Variants in BNIP5 observed in about 807,000 individuals in gnomAD.
BNIP5 encodes the protein BCL2 interacting protein 5, also known as protein BNIP5.
Under a neutral mutation model 67.3 loss-of-function variants are expected in BNIP5, and 61 were observed. The ratio of observed to expected loss-of-function variants is 0.91; its 90% CI spans 0.74 to 1.12. BNIP5 has a LOEUF of 1.12. Among genes scored for constraint, BNIP5 ranks in the 50% most tolerant of loss-of-function variants. BNIP5 has a pLI of 0.00. For missense variants in BNIP5, 826 were observed against 816.3 expected, an observed-to-expected ratio of 1.01 and a Z score of -0.14; for synonymous variants, 317 against 319.0, an observed-to-expected ratio of 0.99 and a Z score of 0.07.
chr6:36,318,010 G>T (rs543996507), intron 11 of BNIP5, among the ~76,000 whole-genome samples: 1 of 152,324 alleles, frequency 6.6e-6, no homozygotes, highest in African/African-American at 2.4e-5. Context: ...GCCAAGGAGA[G>T]AGAGAGGTCC....
rs1771664879 is a variant in BNIP5 at position 36,322,721 on chromosome 6, G to A, written c.1472-279C>T. 2.6e-5 allele frequency among the ~76,000 whole-genome samples: 4 copies of A among 152,188 alleles called. 1 individual carries two copies. The South Asian group carries it at 8.3e-4, about 31-fold the overall frequency. ...CCCACCAAATGAACCCTTTCCCTCT[G>A]CCAGGTTTTCTGGGTCACTTAGCCT... is the stretch of plus-strand genomic sequence containing the variant. On this transcript the variant is annotated intron_variant, in intron 8 of 11. Transcript: ENST00000437635.
intron 10 of BNIP5, among the ~76,000 whole-genome samples, chr6:36,320,923 C>A (rs760419113): frequency 6.6e-6 from 1 of 152,150 alleles, no homozygotes; most frequent in East Asian, 1.9e-4. Context: ...GCCACATGAG[C>A]GTTGTGTTAT....
chr6:36,334,666 C>T (rs1406142589), intron 1 of BNIP5, among the ~76,000 whole-genome samples: 1 of 152,202 alleles, frequency 6.6e-6, no homozygotes, highest in Non-Finnish European at 1.5e-5. Flanking sequence ...GGGGTGTCCT[C>T]AGTCTCTAAG....
In BNIP5 at chr6:36,322,220, C is replaced by T. The variant is rs1771651466; in HGVS notation, c.1603+91G>A. 9.2e-6 allele frequency: 14 copies of T among 1,526,882 alleles called. No homozygotes were observed. The South Asian group carries it at 1.5e-4, about 16-fold the overall frequency. The allele number at this position is 1,526,882 out of a possible 1,614,324, so 94.6% of individuals were successfully genotyped here. ...TTGCCTGCTGCCTTCCCCATTCCTTCCTCAGAACCATCCCCTATTCAGCCT... is the reference window on the plus strand; with the variant it reads ...TTGCCTGCTGCCTTCCCCATTCCTTTCTCAGAACCATCCCCTATTCAGCCT... On this transcript the variant is annotated intron_variant, in intron 9 of 11. Transcript: ENST00000437635.
At chr6:36,329,221 G>T (rs111322904) in intron 2 of BNIP5, among the ~76,000 whole-genome samples, 48 of 152,330 alleles carry the variant, frequency 3.2e-4, no homozygotes, top group African/African-American at 1.1e-3. Context: ...AGGCACCAGT[G>T]GGGTGGGAGC....
At chr6:36,332,606 A>C (rs1470198491) in intron 1 of BNIP5, among the ~76,000 whole-genome samples, 1 of 152,194 alleles carries the variant, frequency 6.6e-6, no homozygotes. Flanking sequence ...TGTGTAGTTA[A>C]CATGAAATCA....
At chr6:36,319,321 G>A in intron 11 of BNIP5, 35 bp downstream of exon 11, 1 of 1,606,760 alleles carries the variant, frequency 6.2e-7, no homozygotes, top group Non-Finnish European at 8.5e-7. Flanking sequence ...TGTCACTCAT[G>A]CTACATTGCC....
At position 36,330,650 on chromosome 6, in the gene BNIP5, TTC is replaced by T. The variant is rs777614642; in HGVS notation, c.39_40del (p.Lys14GlufsTer40). 22 of 1,600,950 alleles carry T rather than the reference TTC, an allele frequency of 1.4e-5. No homozygotes were observed. The highest frequency in any genetic ancestry group is 1.8e-5 in the Non-Finnish European group (21 of 1,177,794). On this transcript the variant is annotated frameshift_variant, in exon 2 of 12. Coordinates refer to ENST00000437635, the MANE Select transcript of BNIP5 (RefSeq NM_001010903.5). LOFTEE classifies it high-confidence loss of function. ...CGGCCTGTCCAGAGACCTGGCTTTC[TTC>T]TCCGCCAGGGGCCTCCTTGGGCACC...
At chr6:36,321,487 G>C (rs1356861203) in intron 9 of BNIP5, among the ~76,000 whole-genome samples, 1 of 152,124 alleles carries the variant, frequency 6.6e-6, no homozygotes, top group African/African-American at 2.4e-5. Flanking sequence ...AGCTTCATTT[G>C]ATAGGTGGGA....
chr6:36,327,166 G>T, intron 3 of BNIP5, 72 bp from the exon 4 acceptor site: 1 of 1,366,174 alleles, frequency 7.3e-7, no homozygotes, highest in South Asian at 1.2e-5. Flanking sequence ...TACCATCTTG[G>T]ATAGTTCTCT....
intron 2 of BNIP5, among the ~76,000 whole-genome samples, chr6:36,329,722 G>C (rs1771841067): frequency 2.0e-5 from 3 of 152,088 alleles, no homozygotes; most frequent in South Asian, 4.2e-4. Flanking sequence ...TGAGGCAGGA[G>C]AATCACTTGA....
intron 9 of BNIP5, among the ~76,000 whole-genome samples, chr6:36,321,945 T>C (rs537168466): frequency 6.6e-6 from 1 of 152,376 alleles, no homozygotes; most frequent in African/African-American, 2.4e-5. Context: ...ATTTATGCCA[T>C]GGAAATCTGC....
At chr6:36,322,571 G>A (rs751986754) in intron 8 of BNIP5, 129 bp from the exon 9 acceptor site, 35 of 1,015,234 alleles carry the variant, frequency 3.4e-5, no homozygotes, top group Middle Eastern at 6.2e-4. Flanking sequence ...TCCTGCCCCC[G>A]GCTCTGCCTC....
At position 36,330,178 on chromosome 6, in the gene BNIP5, T is replaced by C; in HGVS notation, c.513A>G (p.Ala171=). 1.2e-6 allele frequency: 2 copies of C among 1,614,066 alleles called. No homozygotes were observed. The highest frequency in any genetic ancestry group is 2.2e-5 in the South Asian group (2 of 91,074). Residue 171 remains alanine (A), a synonymous_variant, in exon 2 of 12, where the codon GCA becomes GCG. Coordinates refer to ENST00000437635, the MANE Select transcript of BNIP5 (RefSeq NM_001010903.5). The part of the protein sequence containing the change: ...HKKHAAEVTK[A]AQDQEARGRE... The stretch of plus-strand genomic sequence containing the variant: ...GGCCTCTGGCCTCCTGGTCTTGAGC[T>C]GCCTTAGTCACCTCGGCCGCGTGTT...
Position 36,322,352 on chromosome 6 carries a change from G to T in BNIP5, c.1562C>A (p.Thr521Lys), listed in dbSNP as rs759881755. 6 of 1,614,060 alleles carry T rather than the reference G, an allele frequency of 3.7e-6. No homozygotes were observed. Among genetic ancestry groups the T allele is most frequent in the Non-Finnish European group, 5.1e-6 (6 of 1,180,026 alleles). ...SEAPSQARGH[T>K]PEGAPQLSGA... is the part of the protein sequence containing the mutation. ...ACTCAGCTGAGGTGCCCCTTCTGGC[G>T]TGTGGCCTCTAGCCTGGGAGGGTGC... Residue 521 changes from threonine (T) to lysine (K), a missense_variant, in exon 9 of 12, where the codon ACG becomes AAG. Transcript: ENST00000437635.
In BNIP5 at chr6:36,334,873, C is replaced by A. The variant is rs557214390; in HGVS notation, c.-5+1839G>T. Among the ~76,000 whole-genome samples, 5 of 152,252 alleles carry A rather than the reference C, an allele frequency of 3.3e-5. No individual in the cohort carries two copies. The East Asian group carries it at 9.6e-4, about 29-fold the overall frequency. On this transcript the variant is annotated intron_variant, in intron 1 of 11. Transcript: ENST00000437635. ...CGTTCAGTCCGACCACCAGGGAATC[C>A]CACCCTGTGCAGACTGTGCTCCAGA...
At chr6:36,322,954 G>A (rs1189202051) in intron 8 of BNIP5, among the ~76,000 whole-genome samples, 2 of 152,234 alleles carry the variant, frequency 1.3e-5, no homozygotes, top group Non-Finnish European at 2.9e-5. Context: ...ATCAAACCCA[G>A]TTCTCTGTGC....
At chr6:36,330,020 C>T in intron 2 of BNIP5, 61 bp downstream of exon 2, 2 of 1,508,086 alleles carry the variant, frequency 1.3e-6, no homozygotes, top group Non-Finnish European at 1.8e-6. Flanking sequence ...TGTGGAGAGG[C>T]TCCTGGAGCA....
chr6:36,329,928 G>A (rs964186478), intron 2 of BNIP5, among the ~76,000 whole-genome samples, 153 bp downstream of exon 2: 3 of 147,740 alleles, frequency 2.0e-5, no homozygotes, highest in Admixed American at 1.3e-4. Flanking sequence ...AAGGAAGGGA[G>A]GGAGGAAGGG....
Sources: gnomAD v4.1 joint callset for allele counts (sites outside exome capture counted in the v4.1 genomes callset) on GRCh38, gnomAD v4.1.1 for gene constraint, MANE v1.5 for transcripts, NCBI Gene and HGNC (gene_info 2026-07-23, HGNC 2026-07-21) for gene names.